The following USP24 variants were observed in gnomAD, a reference collection of about 807,000 sequenced individuals.
The protein encoded by USP24 is ubiquitin specific peptidase 24, also known as ubiquitin carboxyl-terminal hydrolase 24.
In USP24, 97 loss-of-function variants were observed where a neutral mutation model predicts 361.6. The observed-to-expected ratio is 0.27, with a 90% CI of 0.23 to 0.32. The LOEUF (loss-of-function observed/expected upper bound fraction) is 0.32. USP24 is among the 10% of genes least tolerant of loss of function. The pLI, the probability that USP24 is intolerant of heterozygous loss-of-function variation, is 1.00. For synonymous variants in USP24, 1,098 were observed against 1,124.6 expected (o/e 0.98, Z 0.47); for missense variants, 2,353 against 3,165.6 (o/e 0.74, Z 6.16).
chr1:55,160,060 T>C (rs1468007592), intron 8 of USP24, among the ~76,000 whole-genome samples: 1 of 152,202 alleles, frequency 6.6e-6, no homozygotes, highest in East Asian at 1.9e-4. Flanking sequence ...AATTATGCTG[T>C]CATATGAACG....
intron 18 of USP24, 93 bp from the exon 19 acceptor site, chr1:55,147,153 G>A: frequency 8.1e-7 from 1 of 1,230,430 alleles, no homozygotes. Context: ...TTTAACAACA[G>A]TTTTACTTAA....
chr1:55,204,182 C>G (rs1456962063), intron 1 of USP24, among the ~76,000 whole-genome samples: 3 of 152,118 alleles, frequency 2.0e-5, no homozygotes, highest in Non-Finnish European at 4.4e-5. Flanking sequence ...GCTATTTCCA[C>G]CTTAAGTCTT....
chr1:55,146,945 C>G lies in USP24; in HGVS notation c.2234G>C (p.Cys745Ser). 2 of 1,612,354 alleles carry G rather than the reference C, an allele frequency of 1.2e-6. No individual in the cohort carries two copies. The highest frequency in any genetic ancestry group is 1.7e-6 in the Non-Finnish European group (2 of 1,179,032). The change falls in exon 19 of 68, where the codon TGT becomes TCT. Residue 745 changes from cysteine (C) to serine (S), a missense_variant. Cys to Ser is a moderately radical substitution (Grantham distance 112). This residue lies in a region of USP24 where 949 missense variants were observed against 1,280.5 expected (regional missense o/e 0.74). Transcript: ENST00000294383. ...WECLVTGQDVCELDREMCFEW... is the reference protein window; with the variant it reads ...WECLVTGQDVSELDREMCFEW... ...CCTTCTTACCTCTCTATCTAATTCA[C>G]AAACATCCTGGCCAGTTACAAGACA...
At chr1:55,157,456 A>T (rs1320098770) in intron 10 of USP24, 86 bp from the exon 11 acceptor site, 1 of 765,792 alleles carries the variant, frequency 1.3e-6, no homozygotes, top group Non-Finnish European at 2.0e-6. Context: ...ACAATGTTAC[A>T]ATGTGCTTCA....
chr1:55,079,793 T>TGAGTACTCTCACAGAGTACTCACA, intron 59 of USP24, 134 bp from the exon 60 acceptor site: 14 of 1,051,220 alleles, frequency 1.3e-5, no homozygotes, highest in South Asian at 5.9e-5. Flanking sequence ...ACTCACACAC[T>TGAGTACTCTCACAGAGTACTCACA]GAGTACTCAC....
chr1:55,213,148 T>C (rs1644889966), intron 1 of USP24, among the ~76,000 whole-genome samples: 1 of 152,228 alleles, frequency 6.6e-6, no homozygotes, highest in African/African-American at 2.4e-5. Flanking sequence ...GGCTTTCTTC[T>C]TGATTTCAAA....
chr1:55,209,976 C>G (rs1052367999), intron 1 of USP24, among the ~76,000 whole-genome samples: 1 of 152,000 alleles, frequency 6.6e-6, no homozygotes, highest in Non-Finnish European at 1.5e-5. Flanking sequence ...ATGTTGAAAC[C>G]TTTTCCTCAA....
At position 55,128,255 on chromosome 1, in the gene USP24, C is replaced by T. The variant is rs979849166; in HGVS notation, c.3635+1222G>A. ...CTGCCCTTCATCTCCTCTCTGGATACTGTCAGCTCTCAGTCTACCCTTCCT... is the reference window on the plus strand; with the variant it reads ...CTGCCCTTCATCTCCTCTCTGGATATTGTCAGCTCTCAGTCTACCCTTCCT... On this transcript the variant is annotated intron_variant, in intron 32 of 67. Coordinates refer to ENST00000294383, the MANE Select transcript of USP24 (RefSeq NM_015306.3). Among the ~76,000 whole-genome samples, 3 of 152,290 alleles carry T rather than the reference C, an allele frequency of 2.0e-5. No individual in the cohort carries two copies. In the South Asian group the frequency reaches 6.2e-4, roughly 32 times the overall value.
In USP24 at chr1:55,078,176, C is replaced by T. The variant is rs571554166; in HGVS notation, c.7314+362G>A. Reference sequence around the variant, plus strand: ...CATAGTGGAAATTCATATAAAGAGGCCTGGAAGGAAATATCAATGTAACAG... The same window carrying T: ...CATAGTGGAAATTCATATAAAGAGGTCTGGAAGGAAATATCAATGTAACAG... On this transcript the variant is annotated intron_variant, in intron 61 of 67. Coordinates refer to ENST00000294383, the MANE Select transcript of USP24 (RefSeq NM_015306.3). Among the ~76,000 whole-genome samples the T allele has an allele frequency of 4.6e-5, 7 of 152,020 alleles. No individual in the cohort carries two copies. In the East Asian group the frequency reaches 1.4e-3, roughly 29 times the overall value.
intron 39 of USP24, among the ~76,000 whole-genome samples, chr1:55,109,498 C>T (rs1236717209): frequency 6.6e-6 from 1 of 152,170 alleles, no homozygotes; most frequent in African/African-American, 2.4e-5. Context: ...TACGCTGCTT[C>T]CTTTTTACCT....
At position 55,206,385 on chromosome 1, in the gene USP24, G is replaced by C. The variant is rs113046746; in HGVS notation, c.324+8405C>G. ...GAGAAGTGGCAATTGAGCTAACCTT[G>C]AAGAACGACTTAGTGTTAGACAGGC... On this transcript the variant is annotated intron_variant, in intron 1 of 67. Transcript: ENST00000294383. 5.5e-3 allele frequency among the ~76,000 whole-genome samples: 831 copies of C among 152,274 alleles called. 10 individuals are homozygous for C. Among genetic ancestry groups the C allele is most frequent in the African/African-American group, 0.019 (798 of 41,554 alleles).
chr1:55,126,108 C>T (rs1646421331), intron 32 of USP24, among the ~76,000 whole-genome samples: 1 of 152,182 alleles, frequency 6.6e-6, no homozygotes, highest in Non-Finnish European at 1.5e-5. Context: ...TCACAGTAGC[C>T]TGTAAGACCC....
At chr1:55,214,099 T>G (rs1273325203) in intron 1 of USP24, among the ~76,000 whole-genome samples, 1 of 151,896 alleles carries the variant, frequency 6.6e-6, no homozygotes, top group Non-Finnish European at 1.5e-5. Context: ...CTCCCACCTC[T>G]GCCCTCTCAG....
intron 45 of USP24, 31 bp from the exon 46 acceptor site, chr1:55,098,589 G>A: frequency 6.8e-7 from 1 of 1,477,508 alleles, no homozygotes; most frequent in Non-Finnish European, 9.4e-7. Flanking sequence ...AGTTTTAAGT[G>A]ATGCCTCCTG....
chr1:55,184,595 T>TTACACCAA (rs1231255596), intron 1 of USP24, among the ~76,000 whole-genome samples: 1 of 152,082 alleles, frequency 6.6e-6, no homozygotes, highest in Non-Finnish European at 1.5e-5. Flanking sequence ...CTAAAACACA[T>TTACACCAA]TTACAGAACT....
At chr1:55,122,647 G>C (rs1228707028) in intron 36 of USP24, among the ~76,000 whole-genome samples, 1 of 152,144 alleles carries the variant, frequency 6.6e-6, no homozygotes, top group Non-Finnish European at 1.5e-5. Flanking sequence ...GGGGTGTTAA[G>C]GGGTAGAATC....
Position 55,159,593 on chromosome 1 carries a change from G to A in USP24, c.1068+18C>T. On this transcript the variant is annotated intron_variant, in intron 9 of 67. Transcript: ENST00000294383. ...ACTAACTGGCACTGGGGCCTATCTG[G>A]CTGGAGAAGGCATTTACCTTGTCTT... The A allele has an allele frequency of 6.4e-7, 1 of 1,553,000 alleles. No individual in the cohort carries two copies. The highest frequency in any genetic ancestry group is 2.4e-5 in the East Asian group (1 of 41,464).
At chr1:55,087,016 AC>A (rs2100451011) in intron 55 of USP24, among the ~76,000 whole-genome samples, 1 of 152,332 alleles carries the variant, frequency 6.6e-6, no homozygotes, top group Non-Finnish European at 1.5e-5. Flanking sequence ...TAATTTTTTT[AC>A]AATTATAATT....
intron 1 of USP24, among the ~76,000 whole-genome samples, chr1:55,185,805 G>C (rs553618953): frequency 6.6e-6 from 1 of 152,060 alleles, no homozygotes; most frequent in Non-Finnish European, 1.5e-5. Flanking sequence ...TTGGGCTCAA[G>C]TGAACCTCCC....
Sources: gnomAD v4.1 joint callset for allele counts (sites outside exome capture counted in the v4.1 genomes callset) on GRCh38, gnomAD v4.1.1 for gene constraint, gnomAD v4.1.1 regional missense constraint, MANE v1.5 for transcripts, NCBI Gene and HGNC (gene_info 2026-07-23, HGNC 2026-07-21) for gene names.